PREX1: variants seen among roughly 807,000 people sequenced by gnomAD.
The protein encoded by PREX1 is phosphatidylinositol 3,4,5-trisphosphate-dependent Rac exchanger 1 protein.
A neutral mutation model predicts 198.3 loss-of-function variants in PREX1; 41 were observed. The ratio of observed to expected loss-of-function variants is 0.21; its 90% CI spans 0.16 to 0.27. The LOEUF (loss-of-function observed/expected upper bound fraction) is 0.27, where lower values mean the gene tolerates loss of function less well. Among genes scored for constraint, PREX1 ranks in the 10% least tolerant of loss-of-function variants. The pLI is 1.00. For synonymous variants in PREX1, 843 were observed against 887.2 expected (o/e 0.95, Z 0.89); for missense variants, 1,620 against 2,200.7 (o/e 0.74, Z 5.28).
At chr20:48,742,723 C>G (rs1378274631) in intron 3 of PREX1, among the ~76,000 whole-genome samples, 1 of 152,158 alleles carries the variant, frequency 6.6e-6, no homozygotes, top group African/African-American at 2.4e-5. Flanking sequence ...CTGAACTCCC[C>G]GTCCCCAGCC....
intron 4 of PREX1, among the ~76,000 whole-genome samples, chr20:48,728,325 A>C (rs2090018560): frequency 1.3e-5 from 2 of 152,256 alleles, no homozygotes; most frequent in Non-Finnish European, 2.9e-5. Context: ...CAGAAAGTTC[A>C]TGCCGAAAGC....
intron 15 of PREX1, among the ~76,000 whole-genome samples, chr20:48,664,247 T>C (rs1018756256): frequency 1.3e-5 from 2 of 151,550 alleles, no homozygotes; most frequent in Admixed American, 6.6e-5. Context: ...TGGTGGCGGG[T>C]GCCTGCGGTC....
chr20:48,864,441 T>C, the PREX1 span, among the ~76,000 whole-genome samples: 292 of 152,368 alleles, frequency 1.9e-3, 1 homozygote, highest in African/African-American at 6.3e-3. Flanking sequence ...GTGCTTTCTT[T>C]GTGCCAAATG....
In PREX1 at chr20:48,684,792, C is replaced by A. The variant is rs1288418454; in HGVS notation, c.1335-3457G>T. Among the ~76,000 whole-genome samples the A allele has an allele frequency of 6.6e-6, 1 of 152,200 alleles. No homozygotes were observed. ...CACTTTAACTGCTGAGGCCACATCT[C>A]CTGCCCCTCTGACCACTCAGGCTCC... On this transcript the variant is annotated intron_variant, in intron 10 of 39. Coordinates refer to ENST00000371941, the MANE Select transcript of PREX1 (RefSeq NM_020820.4). The surrounding 1 kb of genome is among the most constrained non-coding windows in gnomAD (Gnocchi z 4.2).
At chr20:48,766,755 C>A (rs912684314) in intron 1 of PREX1, among the ~76,000 whole-genome samples, 1 of 152,204 alleles carries the variant, frequency 6.6e-6, no homozygotes, top group Non-Finnish European at 1.5e-5. Context: ...CAGCCTAAGA[C>A]CTCTCAGAGG....
At chr20:48,719,662 C>A (rs1195500885) in intron 5 of PREX1, among the ~76,000 whole-genome samples, 2 of 152,142 alleles carry the variant, frequency 1.3e-5, no homozygotes, top group Non-Finnish European at 2.9e-5. Flanking sequence ...ATCAAAAGGA[C>A]AATTGTCCAA....
chr20:48,740,413 C>T (rs2090075758), intron 3 of PREX1, among the ~76,000 whole-genome samples: 1 of 152,356 alleles, frequency 6.6e-6, no homozygotes, highest in African/African-American at 2.4e-5. Flanking sequence ...TGAGGCGGTA[C>T]ACCCACTCCT....
chr20:48,835,879 C>T, the PREX1 span, among the ~76,000 whole-genome samples: 1 of 152,162 alleles, frequency 6.6e-6, no homozygotes, highest in Admixed American at 6.5e-5. Context: ...GAGGAGGATA[C>T]TGCACTAGTC....
intron 14 of PREX1, among the ~76,000 whole-genome samples, chr20:48,670,980 A>G (rs1468373670): frequency 2.0e-5 from 3 of 152,214 alleles, no homozygotes; most frequent in Non-Finnish European, 4.4e-5. Flanking sequence ...GCCGTTCCGG[A>G]GCTGACAGAG....
rs2090515425 is a variant in PREX1 at position 48,827,592 on chromosome 20, G to A, written c.219+50C>T. On this transcript the variant is annotated intron_variant, in intron 1 of 39. Coordinates refer to ENST00000371941, the MANE Select transcript of PREX1 (RefSeq NM_020820.4). This position sits in a 1 kb window ranked among gnomAD's most constrained non-coding sequence, Gnocchi z 4.1. ...CCACAGGTTGTGGGGACCGCAGCGG[G>A]GCGAGCGGCTGGAGGGAAAGCTGTC... 5 of 1,188,210 alleles carry A rather than the reference G, an allele frequency of 4.2e-6. No homozygotes were observed. The South Asian group carries it at 1.2e-4, about 28-fold the overall frequency. 73.6% of individuals were successfully genotyped at this position (1,188,210 alleles called of 1,614,324 possible).
chr20:48,649,597 G>C (rs778985371), intron 24 of PREX1, 21 bp from the exon 25 acceptor site: 1 of 1,558,044 alleles, frequency 6.4e-7, no homozygotes, highest in Non-Finnish European at 8.7e-7. Flanking sequence ...GGAAGAGAGA[G>C]CTCACTGGAA....
intron 18 of PREX1, among the ~76,000 whole-genome samples, chr20:48,655,721 C>G (rs142282911): frequency 2.8e-4 from 42 of 152,288 alleles, no homozygotes; most frequent in African/African-American, 9.9e-4. Flanking sequence ...AATAGTTTAA[C>G]AATCGCAGGT....
intron 7 of PREX1, 51 bp from the exon 8 acceptor site, chr20:48,692,841 A>T (rs369363888): frequency 3.7e-5 from 54 of 1,450,554 alleles, no homozygotes; most frequent in Non-Finnish European, 4.8e-5. Flanking sequence ...TCCCAGATGC[A>T]ACTGTTTTCA....
chr20:48,801,317 A>G (rs1444218061), intron 1 of PREX1, among the ~76,000 whole-genome samples: 1 of 152,198 alleles, frequency 6.6e-6, no homozygotes. Flanking sequence ...CTGAAGGTCT[A>G]ATTCTGAGAA....
At chr20:48,686,574 C>G (rs1282944004) in intron 10 of PREX1, among the ~76,000 whole-genome samples, 1 of 152,082 alleles carries the variant, frequency 6.6e-6, no homozygotes, top group African/African-American at 2.4e-5. Flanking sequence ...CCAGGGGGCC[C>G]GGAAGCAGGC....
At position 48,724,115 on chromosome 20, in the gene PREX1, G is replaced by C. The variant is rs143035909; in HGVS notation, c.621+2175C>G. On this transcript the variant is annotated intron_variant, in intron 5 of 39. Coordinates refer to ENST00000371941, the MANE Select transcript of PREX1 (RefSeq NM_020820.4). Reference sequence around the variant, plus strand: ...GCATCGCTGACACTCCAGCACTTTGGCAGTTTAACTCCCCAAAATCCTTCT... The same window carrying C: ...GCATCGCTGACACTCCAGCACTTTGCCAGTTTAACTCCCCAAAATCCTTCT... 1.9e-3 allele frequency among the ~76,000 whole-genome samples: 288 copies of C among 152,312 alleles called. 3 individuals are homozygous for C. Among genetic ancestry groups the C allele is most frequent in the Middle Eastern group, 6.8e-3 (2 of 294 alleles).
chr20:48,733,392 C>G (rs771206297), intron 4 of PREX1, among the ~76,000 whole-genome samples: 1 of 152,318 alleles, frequency 6.6e-6, no homozygotes, highest in Non-Finnish European at 1.5e-5. Flanking sequence ...CTGTCTACAG[C>G]AATTGGTTCA....
intron 6 of PREX1, among the ~76,000 whole-genome samples, chr20:48,702,610 G>GGGGTGGTGGGATACACTGCAGC (rs1225242302): frequency 6.6e-6 from 1 of 152,212 alleles, no homozygotes; most frequent in Non-Finnish European, 1.5e-5. Context: ...TCCAGAGGCT[G>GGGGTGGTGGGATACACTGCAGC]GGGTGGTGGG....
chr20:48,868,872 C>CT, the PREX1 span, among the ~76,000 whole-genome samples: 7 of 151,248 alleles, frequency 4.6e-5, no homozygotes, highest in South Asian at 2.1e-4. Context: ...CCTAAAGAAT[C>CT]TTTTTTTTTC....
Sources: allele counts gnomAD v4.1 joint callset (sites outside exome capture counted in the v4.1 genomes callset), GRCh38; gene constraint gnomAD v4.1.1; non-coding constraint Gnocchi (gnomAD v3.1); transcripts MANE v1.5; gene names NCBI Gene and HGNC (gene_info 2026-07-23, HGNC 2026-07-21).